BPGM: variants seen among roughly 807,000 people sequenced by gnomAD.
The protein encoded by BPGM is bisphosphoglycerate mutase, also known as 2,3-bisphosphoglycerate mutase, erythrocyte.
BPGM carries 15 observed loss-of-function variants against 21.6 expected under a neutral mutation model. That is an observed-to-expected ratio of 0.70 (90% CI 0.47 to 1.07). The LOEUF (loss-of-function observed/expected upper bound fraction) is 1.07, where lower values mean the gene tolerates loss of function less well. Ranked by LOEUF, BPGM falls within the 50% of genes least tolerant of loss-of-function variation. The probability of loss-of-function intolerance (pLI) is 0.00; values close to 1 mark genes in which losing one functional copy is unlikely to be tolerated. For missense variants in BPGM, 273 were observed against 319.0 expected (o/e 0.86, Z 1.10); for synonymous variants, 113 against 116.2 (o/e 0.97, Z 0.18).
In BPGM at chr7:134,679,583, C is replaced by G. The variant is rs367962105; in HGVS notation, c.*552C>G. The G allele has an allele frequency of 4.6e-5, 7 of 153,448 alleles. No homozygotes were observed. The highest frequency in any genetic ancestry group is 1.7e-4 in the African/African-American group (7 of 41,550). 9.5% of individuals were successfully genotyped at this position (153,448 alleles called of 1,614,324 possible). On this transcript the variant is annotated 3_prime_UTR_variant, in exon 3 of 3. Coordinates refer to ENST00000344924, the MANE Select transcript of BPGM (RefSeq NM_001724.5). ...CTCCAAGAAAGCCAACAACCACCAC[C>G]ACAATGACAGAAATGACAACAAGGC...
At chr7:134,670,439 ATAAT>A (rs976016902) in intron 2 of BPGM, among the ~76,000 whole-genome samples, 4 of 152,168 alleles carry the variant, frequency 2.6e-5, no homozygotes, top group African/African-American at 9.7e-5. Context: ...TTCTTTTATA[ATAAT>A]TGATTTATAG....
Position 134,661,562 on chromosome 7 carries a change from G to A in BPGM, c.55G>A (p.Glu19Lys). The A allele has an allele frequency of 1.2e-6, 2 of 1,614,170 alleles. No individual in the cohort carries two copies. The highest frequency in any genetic ancestry group is 1.3e-5 in the African/African-American group (1 of 75,038). The part of the protein sequence containing the change: ...LRHGEGAWNK[E>K]NRFCSWVDQK... ...ACATGGAGAGGGTGCTTGGAATAAG[G>A]AGAACCGTTTTTGTAGCTGGGTGGA... is the stretch of plus-strand genomic sequence containing the variant. Residue 19 changes from glutamate (E) to lysine (K), a missense_variant, in exon 2 of 3, where the codon GAG becomes AAG. Glu to Lys is a moderately conservative substitution (Grantham distance 56). Coordinates refer to ENST00000344924, the MANE Select transcript of BPGM (RefSeq NM_001724.5). The surrounding 1 kb of genome is among the most constrained non-coding windows in gnomAD (Gnocchi z 4.6).
intron 2 of BPGM, among the ~76,000 whole-genome samples, chr7:134,674,839 G>C (rs890969570): frequency 6.6e-6 from 1 of 152,158 alleles, no homozygotes; most frequent in African/African-American, 2.4e-5. Flanking sequence ...TTGCCAGACT[G>C]TTTTCGAAAG....
At chr7:134,677,764 G>C (rs902628091) in intron 2 of BPGM, among the ~76,000 whole-genome samples, 1 of 152,156 alleles carries the variant, frequency 6.6e-6, no homozygotes, top group Non-Finnish European at 1.5e-5. Context: ...TTTTAAAGTA[G>C]ATAATTTGAA....
rs1796026555 is a variant in BPGM, at chr7:134,679,106, CTCTT to C, written c.*77_*80del. 2 of 1,518,066 alleles carry C rather than the reference CTCTT, an allele frequency of 1.3e-6. No homozygotes were observed. The highest frequency in any genetic ancestry group is 2.3e-5 in the South Asian group (2 of 86,992). 94.0% of individuals were successfully genotyped at this position (1,518,066 alleles called of 1,614,324 possible). On this transcript the variant is annotated 3_prime_UTR_variant, in exon 3 of 3. Transcript: ENST00000344924. The stretch of plus-strand genomic sequence containing the variant: ...GTGTGTTATGGGTGCTGAACTCTCT[CTCTT>C]TTTCCCCGATTTTCCAGAGCTAGGC...
intron 2 of BPGM, among the ~76,000 whole-genome samples, chr7:134,669,152 A>G (rs1004835405): frequency 4.1e-4 from 62 of 152,208 alleles, no homozygotes; most frequent in African/African-American, 1.4e-3. Flanking sequence ...TTAGTCAATT[A>G]GGAGAATTAA....
intron 2 of BPGM, 124 bp downstream of exon 2, chr7:134,662,232 G>T: frequency 1.5e-6 from 2 of 1,327,410 alleles, no homozygotes; most frequent in Non-Finnish European, 2.1e-6. Context: ...TGTCACTTCA[G>T]ATTTAAGAAT....
intron 2 of BPGM, among the ~76,000 whole-genome samples, chr7:134,670,136 G>C (rs1795881930): frequency 1.3e-5 from 2 of 152,194 alleles, no homozygotes; most frequent in South Asian, 2.1e-4. Flanking sequence ...GTTTAGTCTG[G>C]GTTTAAGCAC....
chr7:134,667,751 A>G (rs1795842001), intron 2 of BPGM, among the ~76,000 whole-genome samples: 1 of 152,204 alleles, frequency 6.6e-6, no homozygotes, highest in African/African-American at 2.4e-5. Context: ...AACTTCTCCC[A>G]TATAAAATGG....
At chr7:134,656,457 G>A (rs1187386818) in intron 1 of BPGM, among the ~76,000 whole-genome samples, 2 of 152,312 alleles carry the variant, frequency 1.3e-5, no homozygotes, top group East Asian at 3.9e-4. Flanking sequence ...ACATATCAGA[G>A]ACTGGGTAAT....
intron 1 of BPGM, among the ~76,000 whole-genome samples, chr7:134,649,120 T>G (rs1364371463): frequency 6.6e-6 from 1 of 152,226 alleles, no homozygotes; most frequent in Non-Finnish European, 1.5e-5. Context: ...ATCCTTTATG[T>G]TTCAAACAAT....
chr7:134,661,387 G>A lies in BPGM; in HGVS notation c.-61-60G>A. ...TAGAAATTGGGTGTTGTAAAGCGATGTTTCTATTCCTAGATTGTCAGTTGA... is the reference window on the plus strand; with the variant it reads ...TAGAAATTGGGTGTTGTAAAGCGATATTTCTATTCCTAGATTGTCAGTTGA... On this transcript the variant is annotated intron_variant, in intron 1 of 2. Transcript: ENST00000344924. The surrounding 1 kb of genome is among the most constrained non-coding windows in gnomAD (Gnocchi z 4.6). The A allele has an allele frequency of 1.4e-6, 2 of 1,451,836 alleles. No homozygotes were observed. Among genetic ancestry groups the A allele is most frequent in the Non-Finnish European group, 1.9e-6 (2 of 1,047,438 alleles). 89.9% of individuals were successfully genotyped at this position (1,451,836 alleles called of 1,614,324 possible).
At chr7:134,676,680 T>C (rs1172126905) in intron 2 of BPGM, among the ~76,000 whole-genome samples, 1 of 152,222 alleles carries the variant, frequency 6.6e-6, no homozygotes, top group African/African-American at 2.4e-5. Flanking sequence ...GGTAAAATCT[T>C]GGCCAAGGTC....
At chr7:134,662,976 G>C (rs541401454) in intron 2 of BPGM, among the ~76,000 whole-genome samples, 1 of 152,154 alleles carries the variant, frequency 6.6e-6, no homozygotes, top group African/African-American at 2.4e-5. Flanking sequence ...TGGATTTCTC[G>C]TTTCCCTCTC....
chr7:134,647,881 T>C (rs968017785), intron 1 of BPGM, among the ~76,000 whole-genome samples: 33 of 152,184 alleles, frequency 2.2e-4, no homozygotes, highest in Admixed American at 2.2e-3. Context: ...CACTGCAACC[T>C]CCGCCTACCG....
intron 1 of BPGM, among the ~76,000 whole-genome samples, chr7:134,647,566 C>A (rs1290710259): frequency 6.6e-6 from 1 of 152,190 alleles, no homozygotes; most frequent in African/African-American, 2.4e-5. Context: ...CAGTTAAGTT[C>A]ACAGTTAAGC....
rs1795864914 is a variant in BPGM at position 134,669,124 on chromosome 7, CA to C, written c.601+7019del. Among the ~76,000 whole-genome samples, 4 of 152,232 alleles carry C rather than the reference CA, an allele frequency of 2.6e-5. No homozygotes were observed. The South Asian group carries it at 8.3e-4, about 32-fold the overall frequency. On this transcript the variant is annotated intron_variant, in intron 2 of 2. Transcript: ENST00000344924. ...TAATTGGGACCTTACCTTTTGTTCA[CA>C]AAGGTAATAGACTACATTAGTCAAT...
At chr7:134,649,919 G>C (rs1795529863) in intron 1 of BPGM, among the ~76,000 whole-genome samples, 1 of 152,158 alleles carries the variant, frequency 6.6e-6, no homozygotes, top group African/African-American at 2.4e-5. Context: ...CCTGAGATCT[G>C]TGCCATTATT....
chr7:134,661,903 C>G lies in BPGM; in HGVS notation c.396C>G (p.Tyr132Ter). ...TPPPIEESHP[Y>*]YQEIYNDRRY... ...CTCCCATTGAGGAGTCTCATCCTTA[C>G]TACCAAGAAATCTACAACGACCGGA... The change falls in exon 2 of 3, where the codon TAC (tyrosine) becomes TAG (stop). Residue 132 changes from tyrosine (Y) to a stop codon, truncating the protein, a stop_gained. Coordinates refer to ENST00000344924, the MANE Select transcript of BPGM (RefSeq NM_001724.5). LOFTEE classifies it high-confidence loss of function. This position sits in a 1 kb window ranked among gnomAD's most constrained non-coding sequence, Gnocchi z 4.6. 1 of 1,611,776 alleles carries G rather than the reference C, an allele frequency of 6.2e-7. No individual in the cohort carries two copies. Among genetic ancestry groups the G allele is most frequent in the Non-Finnish European group, 8.5e-7 (1 of 1,178,244 alleles).
Sources: allele counts gnomAD v4.1 joint callset (sites outside exome capture counted in the v4.1 genomes callset), GRCh38; gene constraint gnomAD v4.1.1; non-coding constraint Gnocchi (gnomAD v3.1); transcripts MANE v1.5; gene names NCBI Gene and HGNC (gene_info 2026-07-23, HGNC 2026-07-21).